The following RPH3AL variants were observed in gnomAD, a reference collection of about 807,000 sequenced individuals.
The protein encoded by RPH3AL is rab effector Noc2.
RPH3AL carries 38 observed loss-of-function variants against 43.1 expected under a neutral mutation model. That is an observed-to-expected ratio of 0.88 (90% CI 0.68 to 1.15). RPH3AL has a LOEUF of 1.15. Ranked by LOEUF, RPH3AL falls within the 50% of genes most tolerant of loss-of-function variation. The pLI is 0.00. For synonymous variants in RPH3AL, 189 were observed against 176.3 expected (o/e 1.07, Z -0.57); for missense variants, 462 against 423.2 (o/e 1.09, Z -0.81).
chr17:321,766 G>A, intron 3 of RPH3AL: 2 of 262,824 alleles, frequency 7.6e-6, no homozygotes, highest in Non-Finnish European at 1.4e-5. Flanking sequence ...AACAGAGACG[G>A]GGCAGACACA....
Position 317,819 on chromosome 17 carries a change from G to A in RPH3AL, c.351+1601C>T, listed in dbSNP as rs1244280052. Among the ~76,000 whole-genome samples the A allele has an allele frequency of 2.0e-5, 3 of 152,102 alleles. No homozygotes were observed. The East Asian group carries it at 5.8e-4, about 29-fold the overall frequency. ...TGAATGCCCCTGAAAATGCCCTCAA[G>A]TTTGCCAGTGGCCTGCATGTTCCAC... On this transcript the variant is annotated intron_variant, in intron 5 of 9. Transcript: ENST00000331302.
intron 7 of RPH3AL, among the ~76,000 whole-genome samples, chr17:224,923 T>C (rs974851032): frequency 7.4e-6 from 1 of 135,980 alleles, no homozygotes; most frequent in Non-Finnish European, 1.5e-5. Flanking sequence ...ATGAGAACAC[T>C]TGGACACAGG....
At chr17:237,489 A>G (rs1254887582) in intron 7 of RPH3AL, among the ~76,000 whole-genome samples, 2 of 152,192 alleles carry the variant, frequency 1.3e-5, no homozygotes, top group Non-Finnish European at 2.9e-5. Context: ...CTGAGGAGGG[A>G]CAATGACCCA....
chr17:229,361 GCTGA>G (rs1347657504), intron 7 of RPH3AL, among the ~76,000 whole-genome samples: 1 of 152,218 alleles, frequency 6.6e-6, no homozygotes, highest in African/African-American at 2.4e-5. Flanking sequence ...GGAAATACTT[GCTGA>G]CTGTTTTCCT....
intron 6 of RPH3AL, among the ~76,000 whole-genome samples, chr17:263,178 G>C (rs1365786878): frequency 1.3e-5 from 2 of 152,182 alleles, no homozygotes; most frequent in Admixed American, 1.3e-4. Context: ...GGTGGGCATG[G>C]GGGAGGAAGA....
chr17:304,432 C>T (rs1002404501), intron 5 of RPH3AL, among the ~76,000 whole-genome samples: 3 of 152,066 alleles, frequency 2.0e-5, no homozygotes, highest in East Asian at 1.9e-4. Flanking sequence ...AAAATTCCGT[C>T]GAGAGGAAAC....
intron 7 of RPH3AL, among the ~76,000 whole-genome samples, chr17:243,936 ACCCTTCCTCTACTGATTAC>A (rs1567578680): frequency 5.5e-5 from 7 of 127,274 alleles, no homozygotes; most frequent in South Asian, 2.6e-4. Context: ...TCTACTGATT[ACCCTTCCTCTACTGATTAC>A]CCTTCCTCTA....
At position 264,283 on chromosome 17, in the gene RPH3AL, G is replaced by C. The variant is rs538443137; in HGVS notation, c.439-16998C>G. On this transcript the variant is annotated intron_variant, in intron 6 of 9. Coordinates refer to ENST00000331302, the MANE Select transcript of RPH3AL (RefSeq NM_006987.4). The surrounding 1 kb of genome is among the most constrained non-coding windows in gnomAD (Gnocchi z 4.8). ...AGGATTACCCTTCGGAGCCGCGAGCGCTGGATGGGGACTCAGAATCCGCAG... is the reference window on the plus strand; with the variant it reads ...AGGATTACCCTTCGGAGCCGCGAGCCCTGGATGGGGACTCAGAATCCGCAG... Among the ~76,000 whole-genome samples, 1 of 150,962 alleles carries C rather than the reference G, an allele frequency of 6.6e-6. No homozygotes were observed. The highest frequency in any genetic ancestry group is 1.5e-5 in the Non-Finnish European group (1 of 67,920).
At position 347,323 on chromosome 17, in the gene RPH3AL, T is replaced by C. The variant is rs1313374525; in HGVS notation, c.-213+5389A>G. ...ACCTGGGCAGCACAGTGGGACTCTG[T>C]ATCTATGAAAAATAAAAAATTTTCA... On this transcript the variant is annotated intron_variant, in intron 1 of 9. Coordinates refer to ENST00000331302, the MANE Select transcript of RPH3AL (RefSeq NM_006987.4). Among the ~76,000 whole-genome samples, 3 of 152,168 alleles carry C rather than the reference T, an allele frequency of 2.0e-5. No individual in the cohort carries two copies. In the East Asian group the frequency reaches 5.8e-4, roughly 29 times the overall value.
At chr17:349,914 G>T (rs970842257) in intron 1 of RPH3AL, among the ~76,000 whole-genome samples, 1 of 152,110 alleles carries the variant, frequency 6.6e-6, no homozygotes, top group Admixed American at 6.5e-5. Context: ...TGATATTACT[G>T]CTGTGCCCAG....
At chr17:301,535 G>A (rs1032077175) in intron 5 of RPH3AL, among the ~76,000 whole-genome samples, 5 of 152,008 alleles carry the variant, frequency 3.3e-5, no homozygotes, top group African/African-American at 1.2e-4. Flanking sequence ...AAACTCCTGG[G>A]CTCAAGGGAT....
At chr17:277,506 A>G (rs1400020351) in intron 6 of RPH3AL, among the ~76,000 whole-genome samples, 1 of 152,230 alleles carries the variant, frequency 6.6e-6, no homozygotes, top group African/African-American at 2.4e-5. Context: ...GCAATATTAA[A>G]TAAGAAAAAT....
intron 6 of RPH3AL, 124 bp downstream of exon 6, chr17:281,644 C>T: frequency 5.1e-6 from 2 of 395,112 alleles, no homozygotes; most frequent in Admixed American, 6.1e-5. Flanking sequence ...TCCACCCATC[C>T]CCATCTGAGA....
At chr17:337,898 G>A (rs1040443721) in intron 1 of RPH3AL, among the ~76,000 whole-genome samples, 18 of 152,238 alleles carry the variant, frequency 1.2e-4, no homozygotes, top group South Asian at 2.1e-4. Context: ...GGCAACTCCC[G>A]CTCCAGTGGA....
intron 2 of RPH3AL, among the ~76,000 whole-genome samples, chr17:329,840 G>A (rs929508843): frequency 6.6e-6 from 1 of 152,166 alleles, no homozygotes; most frequent in Non-Finnish European, 1.5e-5. Flanking sequence ...CTGAAAAGAG[G>A]AGGACTTTTT....
intron 5 of RPH3AL, among the ~76,000 whole-genome samples, chr17:317,495 G>A (rs1348985221): frequency 4.8e-5 from 7 of 145,558 alleles, no homozygotes; most frequent in Middle Eastern, 7.5e-3. Context: ...CACCTCCATT[G>A]ACCTGTAGTC....
In RPH3AL at chr17:244,059, T is replaced by G. The variant is rs529931863; in HGVS notation, c.613+3052A>C. On this transcript the variant is annotated intron_variant, in intron 7 of 9. Transcript: ENST00000331302. ...TATTACTTTCCTCTATTGATTACCC[T>G]TCCTCTATTGATCACCTTCCTCTAT... Among the ~76,000 whole-genome samples the G allele has an allele frequency of 3.3e-5, 5 of 150,992 alleles. No homozygotes were observed. The East Asian group carries it at 1.0e-3, about 30-fold the overall frequency.
At chr17:224,839 T>A (rs2041070017) in intron 7 of RPH3AL, among the ~76,000 whole-genome samples, 1 of 151,886 alleles carries the variant, frequency 6.6e-6, no homozygotes. Context: ...CTGGAAACCA[T>A]CATTCTCAGC....
intron 8 of RPH3AL, among the ~76,000 whole-genome samples, chr17:217,102 A>C (rs1371603953): frequency 7.7e-6 from 1 of 130,250 alleles, no homozygotes; most frequent in Non-Finnish European, 1.6e-5. Context: ...CTGCACTAAA[A>C]TTGGCCTCGC....
Sources: allele counts gnomAD v4.1 joint callset (sites outside exome capture counted in the v4.1 genomes callset), GRCh38; gene constraint gnomAD v4.1.1; non-coding constraint Gnocchi (gnomAD v3.1); transcripts MANE v1.5; gene names NCBI Gene and HGNC (gene_info 2026-07-23, HGNC 2026-07-21).